Variants in GRIA4 observed in about 807,000 individuals in gnomAD.
The protein encoded by GRIA4 is glutamate receptor 4.
In GRIA4, 34 loss-of-function variants were observed where a neutral mutation model predicts 104.0. That is an observed-to-expected ratio of 0.33 (90% CI 0.25 to 0.44). GRIA4 has a LOEUF of 0.44. Among genes scored for constraint, GRIA4 ranks in the 20% least tolerant of loss-of-function variants. GRIA4 has a pLI of 1.00. For synonymous variants in GRIA4, 386 were observed against 381.9 expected (o/e 1.01, Z -0.13); for missense variants, 750 against 1,096.5 (o/e 0.68, Z 4.46).
intron 4 of GRIA4, among the ~76,000 whole-genome samples, chr11:105,859,324 G>A (rs1162749508): frequency 1.3e-5 from 2 of 152,108 alleles, no homozygotes; most frequent in Non-Finnish European, 2.9e-5. Context: ...ATTTATTTCT[G>A]ACTATGATTA....
At chr11:105,866,429 T>TTG (rs1049311928) in intron 5 of GRIA4, among the ~76,000 whole-genome samples, 1 of 150,656 alleles carries the variant, frequency 6.6e-6, no homozygotes, top group East Asian at 1.9e-4. Context: ...CCCCACTGTG[T>TTG]TGTGTGTGTG....
intron 6 of GRIA4, among the ~76,000 whole-genome samples, chr11:105,894,791 A>ATTTTTTTTTTTTTTTTTTTTT (rs569292239): frequency 1.6e-5 from 2 of 126,386 alleles, no homozygotes; most frequent in African/African-American, 3.2e-5. Context: ...ATTGCTACAT[A>ATTTTTTTTTTTTTTTTTTTTT]TTTTTTTTTT....
intron 3 of GRIA4, among the ~76,000 whole-genome samples, chr11:105,640,851 T>C (rs191272559): frequency 2.0e-5 from 3 of 152,190 alleles, no homozygotes; most frequent in Non-Finnish European, 4.4e-5. Flanking sequence ...TGTTTGGCTC[T>C]CTTTTTAATA....
At chr11:105,613,719 A>C (rs1950533756) in intron 3 of GRIA4, 2 of 152,084 alleles carry the variant, frequency 1.3e-5, no homozygotes, top group Non-Finnish European at 2.9e-5. Context: ...GTGTCTCTTT[A>C]ACCGTTAATT....
intron 10 of GRIA4, among the ~76,000 whole-genome samples, chr11:105,915,457 C>T (rs1486169620): frequency 6.6e-6 from 1 of 152,084 alleles, no homozygotes; most frequent in Non-Finnish European, 1.5e-5. Flanking sequence ...TAGACATGGG[C>T]CTGCTTCAGA....
intron 4 of GRIA4, among the ~76,000 whole-genome samples, chr11:105,851,150 T>C (rs1466471920): frequency 6.6e-6 from 1 of 152,190 alleles, no homozygotes; most frequent in East Asian, 1.9e-4. Context: ...TAATTGTTAT[T>C]ACTATTACCT....
chr11:105,674,318 A>T (rs1565454581), intron 3 of GRIA4, among the ~76,000 whole-genome samples: 1 of 151,996 alleles, frequency 6.6e-6, no homozygotes, highest in Admixed American at 6.6e-5. Flanking sequence ...TGCTAAGTTG[A>T]TGATTTGTGT....
rs571791423 is a variant in GRIA4, at chr11:105,950,952, C to T, written c.2294+16983C>T. 9.7e-4 allele frequency among the ~76,000 whole-genome samples: 147 copies of T among 152,244 alleles called. 1 individual carries two copies. The highest frequency in any genetic ancestry group is 1.6e-3 in the Non-Finnish European group (109 of 68,000). Reference sequence around the variant, plus strand: ...GTAGGAAGAACACTGGACCAGAAGGCAGAAGACCTGTGCCCCAGCTGGACT... The same window carrying T: ...GTAGGAAGAACACTGGACCAGAAGGTAGAAGACCTGTGCCCCAGCTGGACT... On this transcript the variant is annotated intron_variant, in intron 14 of 16. Coordinates refer to ENST00000282499, the MANE Select transcript of GRIA4 (RefSeq NM_000829.4).
At chr11:105,652,089 C>A (rs1951700281) in intron 3 of GRIA4, among the ~76,000 whole-genome samples, 1 of 152,002 alleles carries the variant, frequency 6.6e-6, no homozygotes, top group African/African-American at 2.4e-5. Flanking sequence ...CTGAAAAACC[C>A]TTATGCCTAT....
At chr11:105,836,166 CAATTATCTTG>C (rs1461376317) in intron 4 of GRIA4, among the ~76,000 whole-genome samples, 5 of 152,062 alleles carry the variant, frequency 3.3e-5, no homozygotes, top group African/African-American at 1.2e-4. Context: ...TGGGGATCTT[CAATTATCTTG>C]TATTCCTTTC....
At chr11:105,675,942 TA>T (rs1952522145) in intron 3 of GRIA4, among the ~76,000 whole-genome samples, 1 of 151,828 alleles carries the variant, frequency 6.6e-6, no homozygotes. Context: ...ATTCCAAGGA[TA>T]TAATTAGCTA....
intron 3 of GRIA4, among the ~76,000 whole-genome samples, chr11:105,653,968 AG>A (rs1299059926): frequency 7.8e-6 from 1 of 128,834 alleles, no homozygotes; most frequent in Non-Finnish European, 1.6e-5. Flanking sequence ...AAGAAAATGT[AG>A]TATGTATATG....
At chr11:105,877,717 T>A (rs1441876025) in intron 5 of GRIA4, among the ~76,000 whole-genome samples, 1 of 152,214 alleles carries the variant, frequency 6.6e-6, no homozygotes, top group Non-Finnish European at 1.5e-5. Flanking sequence ...GATATTTGTG[T>A]ACGCTTCACG....
chr11:105,807,560 T>C (rs1424194916), intron 4 of GRIA4, among the ~76,000 whole-genome samples: 1 of 151,940 alleles, frequency 6.6e-6, no homozygotes, highest in Non-Finnish European at 1.5e-5. Context: ...CTTGCAGAAC[T>C]AGCTGTCTTG....
At chr11:105,703,637 A>AT (rs1010578717) in intron 3 of GRIA4, among the ~76,000 whole-genome samples, 47 of 152,138 alleles carry the variant, frequency 3.1e-4, no homozygotes, top group African/African-American at 1.1e-3. Flanking sequence ...AAAATTATGG[A>AT]TTTTTTTAAA....
intron 14 of GRIA4, among the ~76,000 whole-genome samples, chr11:105,936,760 A>T (rs1044179261): frequency 6.6e-6 from 1 of 152,204 alleles, no homozygotes; most frequent in African/African-American, 2.4e-5. Context: ...TGCAATAAGG[A>T]TCATCTCAAA....
At chr11:105,746,252 C>T (rs1356450383) in intron 3 of GRIA4, among the ~76,000 whole-genome samples, 8 of 151,870 alleles carry the variant, frequency 5.3e-5, no homozygotes, top group African/African-American at 1.9e-4. Context: ...TAAAATGATA[C>T]TATCCCTAAA....
chr11:105,822,412 C>A (rs997994580), intron 4 of GRIA4, among the ~76,000 whole-genome samples: 1 of 152,012 alleles, frequency 6.6e-6, no homozygotes, highest in Non-Finnish European at 1.5e-5. Flanking sequence ...AATGTTTATA[C>A]TTATGCAGGT....
At chr11:105,835,488 T>C (rs1401892974) in intron 4 of GRIA4, among the ~76,000 whole-genome samples, 1 of 152,104 alleles carries the variant, frequency 6.6e-6, no homozygotes, top group Non-Finnish European at 1.5e-5. Flanking sequence ...ACAGTAGGCA[T>C]AATCAAATGG....
Sources: allele counts gnomAD v4.1 joint callset (sites outside exome capture counted in the v4.1 genomes callset), GRCh38; gene constraint gnomAD v4.1.1; transcripts MANE v1.5; gene names NCBI Gene and HGNC (gene_info 2026-07-23, HGNC 2026-07-21).